LRRC7: variants seen among roughly 807,000 people sequenced by gnomAD.
The protein encoded by LRRC7 is leucine-rich repeat-containing protein 7.
LRRC7 carries 23 observed loss-of-function variants against 175.7 expected under a neutral mutation model. That is an observed-to-expected ratio of 0.13 (90% CI 0.09 to 0.19). LRRC7 has a LOEUF of 0.19. LRRC7 is among the 10% of genes least tolerant of loss of function. LRRC7 has a pLI of 1.00. For synonymous variants in LRRC7, 685 were observed against 680.9 expected (o/e 1.01, Z -0.09); for missense variants, 1,354 against 1,904.7 (o/e 0.71, Z 5.38).
intron 2 of LRRC7, among the ~76,000 whole-genome samples, chr1:69,715,954 C>A (rs1281055426): frequency 6.6e-6 from 1 of 151,596 alleles, no homozygotes; most frequent in African/African-American, 2.4e-5. Flanking sequence ...GATTTATATA[C>A]CCACAGCTCT....
At chr1:69,783,655 G>C (rs1674047837) in intron 3 of LRRC7, among the ~76,000 whole-genome samples, 1 of 151,076 alleles carries the variant, frequency 6.6e-6, no homozygotes, top group African/African-American at 2.4e-5. Context: ...AGGAGGCTGA[G>C]GCTGGAGAAT....
intron 7 of LRRC7, chr1:69,919,690 CT>C (rs1273456257): frequency 1.0e-6 from 1 of 970,378 alleles, no homozygotes; most frequent in Non-Finnish European, 1.6e-6. Context: ...GCGACTGCAG[CT>C]CGGCCAAGGC....
intron 1 of LRRC7, among the ~76,000 whole-genome samples, chr1:69,608,686 T>G (rs1648058888): frequency 6.6e-6 from 1 of 151,850 alleles, no homozygotes; most frequent in South Asian, 2.1e-4. Context: ...TTTTGCTGAG[T>G]GATTGACATA....
chr1:69,985,956 G>A (rs746021616), intron 9 of LRRC7, among the ~76,000 whole-genome samples: 7 of 152,094 alleles, frequency 4.6e-5, no homozygotes, highest in African/African-American at 1.7e-4. Context: ...GTAAGTTTTT[G>A]TGTGTACATA....
chr1:70,109,022 G>GT (rs1553205994), intron 26 of LRRC7, among the ~76,000 whole-genome samples: 3 of 116,338 alleles, frequency 2.6e-5, no homozygotes, highest in Non-Finnish European at 5.2e-5. Context: ...TTTTGTTTTT[G>GT]TTTTTGTTTT....
chr1:69,726,173 GAA>G (rs1666956204), intron 2 of LRRC7, among the ~76,000 whole-genome samples: 2 of 152,114 alleles, frequency 1.3e-5, no homozygotes, highest in Non-Finnish European at 2.9e-5. Context: ...GAGATGCAGA[GAA>G]GTTACTTAAG....
intron 15 of LRRC7, 97 bp from the exon 16 acceptor site, chr1:70,020,904 ATTTG>A: frequency 1.3e-6 from 1 of 798,070 alleles, no homozygotes. Flanking sequence ...TTATTTCCGT[ATTTG>A]TTTGTAGTAT....
chr1:69,588,990 T>TGTGTGTGTGTGG (rs768213342), intron 1 of LRRC7, among the ~76,000 whole-genome samples: 11 of 151,064 alleles, frequency 7.3e-5, no homozygotes, highest in South Asian at 2.1e-4. Context: ...GGGGTCTGTG[T>TGTGTGTGTGTGG]GTGTGTGTGT....
intron 7 of LRRC7, among the ~76,000 whole-genome samples, chr1:69,862,044 G>A (rs565986615): frequency 1.2e-4 from 19 of 152,258 alleles, no homozygotes; most frequent in African/African-American, 4.3e-4. Flanking sequence ...GGGTAGCAGG[G>A]CAGTCTCTGG....
At position 70,110,126 on chromosome 1, in the gene LRRC7, C is replaced by T. The variant is rs1292654446; in HGVS notation, c.4620+2300C>T. Among the ~76,000 whole-genome samples the T allele has an allele frequency of 3.3e-5, 5 of 152,162 alleles. No individual in the cohort carries two copies. In the East Asian group the frequency reaches 9.6e-4, roughly 29 times the overall value. On this transcript the variant is annotated intron_variant, in intron 26 of 26. Transcript: ENST00000651989. Reference sequence around the variant, plus strand: ...CAGACATGATGGCTCACACCTGTAACCCCACCACTTTGAGAGGCAGAGGCA... The same window carrying T: ...CAGACATGATGGCTCACACCTGTAATCCCACCACTTTGAGAGGCAGAGGCA...
intron 1 of LRRC7, among the ~76,000 whole-genome samples, chr1:69,640,485 T>A (rs1654040783): frequency 6.6e-6 from 1 of 151,562 alleles, no homozygotes; most frequent in Admixed American, 6.6e-5. Context: ...CTTTTTAGAC[T>A]CATTATGCAT....
Position 69,717,806 on chromosome 1 carries a change from G to GAAAGAAAGAAAGAAAGAAAGAAAT in LRRC7, c.100+39351_100+39352insTAAAGAAAGAAAGAAAGAAAGAAA, listed in dbSNP as rs1557640737. 2.8e-4 allele frequency among the ~76,000 whole-genome samples: 6 copies of GAAAGAAAGAAAGAAAGAAAGAAAT among 21,718 alleles called. 1 individual carries two copies. Among genetic ancestry groups the GAAAGAAAGAAAGAAAGAAAGAAAT allele is most frequent in the African/African-American group, 1.7e-3 (6 of 3,472 alleles). The allele number at this position is 21,718 out of a possible 152,430, so 14.2% of individuals were successfully genotyped here. A position where few individuals can be genotyped will look rare whatever the true frequency, so the allele number is the denominator to read the frequency against. Reference sequence around the variant, plus strand: ...AGAAAGAAAGAAAGAAAGAAAGAAAGAAAGAAAGAAAGAAAGAAAGAAAGA... The same window carrying GAAAGAAAGAAAGAAAGAAAGAAAT: ...AGAAAGAAAGAAAGAAAGAAAGAAAGAAAGAAAGAAAGAAAGAAAGAAATAAAGAAAGAAAGAAAGAAAGAAAGA... On this transcript the variant is annotated intron_variant, in intron 2 of 26. Transcript: ENST00000651989.
chr1:70,116,882 A>T (rs754773553), intron 26 of LRRC7, among the ~76,000 whole-genome samples: 1 of 152,202 alleles, frequency 6.6e-6, no homozygotes, highest in Non-Finnish European at 1.5e-5. Context: ...GTGAAGCACA[A>T]TGAGGATTAT....
At position 70,137,568 on chromosome 1, in the gene LRRC7, TG is replaced by T; in HGVS notation, c.*15682del. Among the ~76,000 whole-genome samples the T allele has an allele frequency of 1.3e-5, 2 of 152,364 alleles. No individual in the cohort carries two copies. The highest frequency in any genetic ancestry group is 2.1e-4 in the South Asian group (1 of 4,830). Reference sequence around the variant, plus strand: ...AACACTCCACCACTGGGGGTTGCTTTGTGTTTAAGTACCTAATAGACCCACC... The same window carrying T: ...AACACTCCACCACTGGGGGTTGCTTTTGTTTAAGTACCTAATAGACCCACC... On this transcript the variant is annotated 3_prime_UTR_variant, in exon 27 of 27. Transcript: ENST00000651989.
intron 2 of LRRC7, among the ~76,000 whole-genome samples, chr1:69,719,637 A>T (rs1308078512): frequency 1.3e-5 from 2 of 151,684 alleles, no homozygotes; most frequent in African/African-American, 4.8e-5. Context: ...ATTTAGAAAG[A>T]TTACTCTTAA....
intron 7 of LRRC7, among the ~76,000 whole-genome samples, chr1:69,930,220 T>C (rs982031532): frequency 8.5e-5 from 13 of 152,272 alleles, no homozygotes; most frequent in African/African-American, 3.1e-4. Flanking sequence ...TCTGTTTTGT[T>C]CTCTGCCATA....
At chr1:69,943,565 T>TC (rs1648960935) in intron 8 of LRRC7, among the ~76,000 whole-genome samples, 1 of 152,078 alleles carries the variant, frequency 6.6e-6, no homozygotes, top group South Asian at 2.1e-4. Context: ...AATTTTATAC[T>TC]CTAAAAGGGT....
At chr1:69,741,947 C>T (rs958772872) in intron 2 of LRRC7, among the ~76,000 whole-genome samples, 2 of 151,946 alleles carry the variant, frequency 1.3e-5, no homozygotes, top group Non-Finnish European at 2.9e-5. Flanking sequence ...GAACTTCCAT[C>T]GTGTGTGTAA....
At chr1:69,751,508 T>C (rs1669845460) in intron 2 of LRRC7, among the ~76,000 whole-genome samples, 1 of 152,082 alleles carries the variant, frequency 6.6e-6, no homozygotes, top group Non-Finnish European at 1.5e-5. Context: ...GGACTGCAAG[T>C]ACAGAATTAA....
Sources: allele counts gnomAD v4.1 joint callset (sites outside exome capture counted in the v4.1 genomes callset), GRCh38; gene constraint gnomAD v4.1.1; transcripts MANE v1.5; gene names NCBI Gene and HGNC (gene_info 2026-07-23, HGNC 2026-07-21).